The following MACROD2 variants were observed in gnomAD, a reference collection of about 807,000 sequenced individuals.
MACROD2 encodes mono-ADP ribosylhydrolase 2.
In MACROD2, 36 loss-of-function variants were observed where a neutral mutation model predicts 70.4. The observed-to-expected ratio is 0.51, with a 90% CI of 0.39 to 0.68. MACROD2 has a LOEUF of 0.68. MACROD2 is among the 30% of genes least tolerant of loss of function. The pLI is 0.00. For synonymous variants in MACROD2, 172 were observed against 178.8 expected (o/e 0.96, Z 0.30); for missense variants, 496 against 538.4 (o/e 0.92, Z 0.78).
intron 5 of MACROD2, among the ~76,000 whole-genome samples, chr20:14,764,185 C>T (rs1045997717): frequency 1.2e-4 from 18 of 152,058 alleles, no homozygotes; most frequent in African/African-American, 2.9e-4. Context: ...ATTCTTTTCC[C>T]GCCTTCCCCA....
chr20:15,601,614 G>A (rs2048821355), intron 8 of MACROD2, among the ~76,000 whole-genome samples: 1 of 152,176 alleles, frequency 6.6e-6, no homozygotes, highest in Non-Finnish European at 1.5e-5. Flanking sequence ...CTTACCGTTA[G>A]TTTATTGGCT....
intron 6 of MACROD2, among the ~76,000 whole-genome samples, chr20:15,267,904 TTTTG>T (rs1156602160): frequency 6.6e-5 from 10 of 152,014 alleles, no homozygotes; most frequent in Admixed American, 3.9e-4. Context: ...TTGCTGAGAG[TTTTG>T]TTTGTTTGTT....
At position 14,124,250 on chromosome 20, in the gene MACROD2, T is replaced by G. The variant is rs150607539; in HGVS notation, c.271+38522T>G. Among the ~76,000 whole-genome samples the G allele has an allele frequency of 2.3e-3, 343 of 152,324 alleles. 3 individuals are homozygous for G. Among genetic ancestry groups the G allele is most frequent in the African/African-American group, 8.0e-3 (333 of 41,576 alleles). ...CAAACTGTTTTTTATTTCATTTCTT[T>G]TGGGATGCCTAATTGAATTGAAACT... On this transcript the variant is annotated intron_variant, in intron 3 of 17. Coordinates refer to ENST00000684519, the MANE Select transcript of MACROD2 (RefSeq NM_001351661.2).
At chr20:14,983,864 T>C (rs1379955161) in intron 5 of MACROD2, among the ~76,000 whole-genome samples, 3 of 152,196 alleles carry the variant, frequency 2.0e-5, no homozygotes, top group Non-Finnish European at 4.4e-5. Flanking sequence ...TGAATGGTAG[T>C]CTGTCAGTAG....
intron 8 of MACROD2, among the ~76,000 whole-genome samples, chr20:15,737,195 G>C (rs971078858): frequency 2.0e-5 from 3 of 152,130 alleles, no homozygotes; most frequent in Admixed American, 6.5e-5. Context: ...TGAAGATAAA[G>C]TGTGTGCTTT....
At chr20:14,465,996 C>G (rs954728254) in intron 3 of MACROD2, among the ~76,000 whole-genome samples, 105 of 152,170 alleles carry the variant, frequency 6.9e-4, no homozygotes, top group African/African-American at 2.5e-3. Flanking sequence ...TTTGGTGAAT[C>G]TGACAATTAT....
chr20:14,100,379 T>C (rs2054282231), intron 3 of MACROD2, among the ~76,000 whole-genome samples: 2 of 151,162 alleles, frequency 1.3e-5, no homozygotes, highest in Non-Finnish European at 3.0e-5. Flanking sequence ...TTTTGCATCG[T>C]AGATATGCCT....
intron 8 of MACROD2, among the ~76,000 whole-genome samples, chr20:15,581,545 G>T (rs1164935168): frequency 1.3e-5 from 2 of 152,190 alleles, no homozygotes; most frequent in Non-Finnish European, 2.9e-5. Context: ...TAACTGAAAG[G>T]TGTGAAAAGA....
intron 2 of MACROD2, among the ~76,000 whole-genome samples, chr20:14,045,045 CCTGGGGCTTGCGGG>C (rs1423243723): frequency 6.6e-6 from 1 of 152,240 alleles, no homozygotes; most frequent in Non-Finnish European, 1.5e-5. Context: ...CCCTTCACTG[CCTGGGGCTTGCGGG>C]CCGGCTTGCC....
At chr20:16,002,903 A>G (rs1409573273) in intron 15 of MACROD2, among the ~76,000 whole-genome samples, 1 of 152,172 alleles carries the variant, frequency 6.6e-6, no homozygotes, top group East Asian at 1.9e-4. Flanking sequence ...TTGGGTGGTG[A>G]TGAGGCAAAG....
chr20:14,897,040 C>T (rs1185477439), intron 5 of MACROD2, among the ~76,000 whole-genome samples: 5 of 152,078 alleles, frequency 3.3e-5, no homozygotes, highest in East Asian at 1.9e-4. Context: ...TGCATGTGAA[C>T]GATGTTACAG....
chr20:14,138,022 C>T (rs1280045402), intron 3 of MACROD2, among the ~76,000 whole-genome samples: 1 of 152,142 alleles, frequency 6.6e-6, no homozygotes, highest in Non-Finnish European at 1.5e-5. Flanking sequence ...GCTCAGTCAT[C>T]AGGGAAATGC....
intron 6 of MACROD2, among the ~76,000 whole-genome samples, chr20:15,292,191 A>G (rs1342439886): frequency 6.6e-6 from 1 of 152,128 alleles, no homozygotes; most frequent in African/African-American, 2.4e-5. Context: ...TCATATTTCA[A>G]TTGAAATAAT....
intron 3 of MACROD2, among the ~76,000 whole-genome samples, chr20:14,481,750 C>T (rs942755520): frequency 2.6e-5 from 4 of 152,114 alleles, no homozygotes; most frequent in Non-Finnish European, 5.9e-5. Context: ...ACTTACCAGC[C>T]CATGACCTTG....
At chr20:14,739,575 T>G (rs1183111409) in intron 5 of MACROD2, among the ~76,000 whole-genome samples, 2 of 151,948 alleles carry the variant, frequency 1.3e-5, no homozygotes, top group Non-Finnish European at 2.9e-5. Flanking sequence ...AAATTAAATA[T>G]TAAAAACTAT....
chr20:15,419,498 C>CT (rs1227671788), intron 6 of MACROD2, among the ~76,000 whole-genome samples: 16 of 152,304 alleles, frequency 1.1e-4, no homozygotes, highest in African/African-American at 3.8e-4. Flanking sequence ...TCCAGAGCTC[C>CT]TGCAATCAGC....
intron 8 of MACROD2, among the ~76,000 whole-genome samples, chr20:15,701,521 T>G (rs547823654): frequency 6.6e-6 from 1 of 152,324 alleles, no homozygotes; most frequent in Admixed American, 6.5e-5. Flanking sequence ...GGCTTCAAGT[T>G]TGCATGATTA....
intron 4 of MACROD2, among the ~76,000 whole-genome samples, chr20:14,671,089 G>A (rs1416191601): frequency 1.3e-5 from 2 of 152,032 alleles, no homozygotes; most frequent in Admixed American, 1.3e-4. Flanking sequence ...TCTAAATTGG[G>A]CATATAGCCT....
At chr20:14,151,613 G>A (rs925231092) in intron 3 of MACROD2, among the ~76,000 whole-genome samples, 1 of 152,008 alleles carries the variant, frequency 6.6e-6, no homozygotes, top group African/African-American at 2.4e-5. Flanking sequence ...AGATTCCCAT[G>A]TTTTTGAGTA....
Sources: gnomAD v4.1 joint callset for allele counts (sites outside exome capture counted in the v4.1 genomes callset) on GRCh38, gnomAD v4.1.1 for gene constraint, MANE v1.5 for transcripts, NCBI Gene and HGNC (gene_info 2026-07-23, HGNC 2026-07-21) for gene names.